The following KCNQ5 variants were observed in gnomAD, a reference collection of about 807,000 sequenced individuals.
KCNQ5 encodes potassium voltage-gated channel subfamily Q member 5.
KCNQ5 carries 30 observed loss-of-function variants against 98.2 expected under a neutral mutation model. That is an observed-to-expected ratio of 0.31 (90% confidence interval 0.23 to 0.41). The LOEUF is 0.41. KCNQ5 is among the 10% of genes least tolerant of loss of function. The pLI is 1.00. For synonymous variants in KCNQ5, 458 were observed against 449.4 expected (o/e 1.02, Z -0.24); for missense variants, 835 against 1,182.5 (o/e 0.71, Z 4.31).
intron 1 of KCNQ5, among the ~76,000 whole-genome samples, chr6:72,662,520 AAG>A (rs1766583286): frequency 6.6e-6 from 1 of 152,200 alleles, no homozygotes; most frequent in Non-Finnish European, 1.5e-5. Flanking sequence ...AGAGACAAAA[AAG>A]AAATTAAAAA....
intron 5 of KCNQ5, among the ~76,000 whole-genome samples, chr6:73,101,869 T>G (rs538295891): frequency 1.3e-5 from 2 of 152,210 alleles, no homozygotes; most frequent in African/African-American, 4.8e-5. Flanking sequence ...AAAATACCAA[T>G]GACATTCTTC....
At chr6:72,746,204 T>A (rs1161067293) in intron 1 of KCNQ5, among the ~76,000 whole-genome samples, 4 of 138,026 alleles carry the variant, frequency 2.9e-5, no homozygotes, top group African/African-American at 1.3e-4. Flanking sequence ...TTTTTTGTAA[T>A]TTTTTAGCAT....
intron 1 of KCNQ5, among the ~76,000 whole-genome samples, chr6:72,935,760 C>A (rs890964960): frequency 1.3e-4 from 20 of 152,092 alleles, no homozygotes; most frequent in Admixed American, 1.0e-3. Flanking sequence ...ACTGAGGTTC[C>A]ACTCTCATCT....
chr6:73,004,931 A>T (rs1238960601), intron 2 of KCNQ5, among the ~76,000 whole-genome samples: 1 of 152,164 alleles, frequency 6.6e-6, no homozygotes, highest in Non-Finnish European at 1.5e-5. Context: ...GAATATGAAA[A>T]AATTGTTACT....
chr6:72,770,063 T>C (rs1197914097), intron 1 of KCNQ5, among the ~76,000 whole-genome samples: 2 of 152,156 alleles, frequency 1.3e-5, no homozygotes, highest in Admixed American at 6.5e-5. Flanking sequence ...AAGCCATCTC[T>C]ACACCATCTC....
chr6:72,930,984 C>T (rs1296092546), intron 1 of KCNQ5, among the ~76,000 whole-genome samples: 1 of 152,118 alleles, frequency 6.6e-6, no homozygotes, highest in Non-Finnish European at 1.5e-5. Flanking sequence ...CGTTTGTTGG[C>T]TGACCTCTGC....
intron 1 of KCNQ5, among the ~76,000 whole-genome samples, chr6:72,815,205 C>A (rs1775448201): frequency 6.6e-6 from 1 of 152,154 alleles, no homozygotes; most frequent in East Asian, 1.9e-4. Flanking sequence ...TAGATGGGGA[C>A]TTTATAACCT....
At chr6:73,153,603 C>G (rs1055242962) in intron 10 of KCNQ5, among the ~76,000 whole-genome samples, 4 of 152,044 alleles carry the variant, frequency 2.6e-5, no homozygotes, top group African/African-American at 9.7e-5. Context: ...ATGAAAGCCT[C>G]CCATAGAGCT....
At chr6:72,727,288 G>C (rs570003304) in intron 1 of KCNQ5, among the ~76,000 whole-genome samples, 1 of 152,302 alleles carries the variant, frequency 6.6e-6, no homozygotes, top group East Asian at 1.9e-4. Flanking sequence ...CTTACACCTT[G>C]ATCAAGATTT....
intron 1 of KCNQ5, among the ~76,000 whole-genome samples, chr6:72,636,896 C>T (rs2098924443): frequency 6.6e-6 from 1 of 152,158 alleles, no homozygotes; most frequent in South Asian, 2.1e-4. Context: ...AAGGGATTTA[C>T]AAGGTAAACT....
intron 1 of KCNQ5, among the ~76,000 whole-genome samples, chr6:72,954,074 G>A (rs1388202410): frequency 6.6e-6 from 1 of 152,062 alleles, no homozygotes; most frequent in Admixed American, 6.5e-5. Flanking sequence ...GTTTTTCTTT[G>A]GCAGACCTCA....
chr6:72,982,740 A>G (rs568836729), intron 1 of KCNQ5, among the ~76,000 whole-genome samples: 34 of 152,216 alleles, frequency 2.2e-4, no homozygotes, highest in African/African-American at 8.2e-4. Context: ...TATTTTGCCC[A>G]TTAGTTGATG....
intron 10 of KCNQ5, chr6:73,157,780 G>A (rs1777427710): frequency 6.4e-6 from 5 of 778,784 alleles, no homozygotes; most frequent in South Asian, 5.4e-5. Flanking sequence ...CATGTTGGTG[G>A]GATTTGGAGT....
chr6:73,068,036 C>T (rs1181492872), intron 3 of KCNQ5, among the ~76,000 whole-genome samples: 1 of 152,122 alleles, frequency 6.6e-6, no homozygotes, highest in East Asian at 1.9e-4. Context: ...TGACTCACAC[C>T]TGTAATCCCA....
chr6:72,661,459 C>A (rs1189395848), intron 1 of KCNQ5, among the ~76,000 whole-genome samples: 1 of 152,054 alleles, frequency 6.6e-6, no homozygotes, highest in Non-Finnish European at 1.5e-5. Context: ...ATATGTTAAC[C>A]CACCATCCAT....
intron 1 of KCNQ5, among the ~76,000 whole-genome samples, chr6:72,908,313 A>G (rs1019452188): frequency 6.6e-6 from 1 of 152,056 alleles, no homozygotes; most frequent in African/African-American, 2.4e-5. Flanking sequence ...AGGTAATAAA[A>G]TTGCGTTGTG....
chr6:72,772,329 C>G (rs1278878662), intron 1 of KCNQ5, among the ~76,000 whole-genome samples: 19 of 151,994 alleles, frequency 1.3e-4, no homozygotes, highest in Non-Finnish European at 1.5e-4. Flanking sequence ...GACAAAGTGC[C>G]ATGAGGAAAC....
At chr6:73,079,643 G>A (rs1026488850) in intron 5 of KCNQ5, among the ~76,000 whole-genome samples, 2 of 152,314 alleles carry the variant, frequency 1.3e-5, no homozygotes, top group East Asian at 1.9e-4. Flanking sequence ...ACAAGATTAT[G>A]CCATTGGTTT....
At chr6:72,934,421 G>A (rs113247529) in intron 1 of KCNQ5, among the ~76,000 whole-genome samples, 314 of 152,238 alleles carry the variant, frequency 2.1e-3, no homozygotes, top group African/African-American at 6.9e-3. Context: ...GTGATAGTGT[G>A]ATAACAGTGG....
Sources: allele counts gnomAD v4.1 joint callset (sites outside exome capture counted in the v4.1 genomes callset), GRCh38; gene constraint gnomAD v4.1.1; transcripts MANE v1.5; gene names NCBI Gene and HGNC (gene_info 2026-07-23, HGNC 2026-07-21).